Variants in CDH12 observed in about 807,000 individuals in gnomAD.
CDH12 encodes the protein cadherin-12.
A neutral mutation model predicts 74.1 loss-of-function variants in CDH12; 41 were observed. The ratio of observed to expected loss-of-function variants is 0.55; its 90% CI spans 0.43 to 0.72. The LOEUF is 0.72. Ranked by LOEUF, CDH12 falls within the 30% of genes least tolerant of loss-of-function variation. CDH12 has a pLI of 0.00. For missense variants in CDH12, 945 were observed against 977.2 expected (o/e 0.97, Z 0.44); for synonymous variants, 399 against 355.0 (o/e 1.12, Z -1.39).
intron 1 of CDH12, among the ~76,000 whole-genome samples, chr5:22,570,597 A>G (rs1456836987): frequency 6.6e-6 from 1 of 152,210 alleles, no homozygotes; most frequent in Non-Finnish European, 1.5e-5. Context: ...CTGTAAACAG[A>G]TGTGGCTGTC....
At chr5:22,558,019 TA>T (rs1207113688) in intron 1 of CDH12, among the ~76,000 whole-genome samples, 1 of 152,026 alleles carries the variant, frequency 6.6e-6, no homozygotes, top group Non-Finnish European at 1.5e-5. Flanking sequence ...AAAATTACAA[TA>T]AGGGAAAACT....
chr5:22,117,484 A>ATATAATATG (rs1234602644), intron 4 of CDH12, among the ~76,000 whole-genome samples: 2 of 47,956 alleles, frequency 4.2e-5, no homozygotes, highest in African/African-American at 1.7e-4. Flanking sequence ...TATATTATAT[A>ATATAATATG]TATATTATAT....
At chr5:22,425,156 T>TATATATATATATACAA (rs1554039872) in intron 2 of CDH12, among the ~76,000 whole-genome samples, 1 of 126,248 alleles carries the variant, frequency 7.9e-6, no homozygotes, top group African/African-American at 3.0e-5. Context: ...TGTGTGTGTA[T>TATATATATATATACAA]ATATATATAT....
At chr5:22,558,142 C>T (rs1738882611) in intron 1 of CDH12, among the ~76,000 whole-genome samples, 2 of 151,978 alleles carry the variant, frequency 1.3e-5, no homozygotes, top group South Asian at 4.1e-4. Flanking sequence ...GAGCCAGGAC[C>T]TAGTGCATAT....
intron 1 of CDH12, among the ~76,000 whole-genome samples, chr5:22,623,990 G>C (rs1479023027): frequency 2.0e-5 from 3 of 152,128 alleles, no homozygotes; most frequent in Non-Finnish European, 4.4e-5. Context: ...GAACAGAACA[G>C]AGCCCTCAGA....
In CDH12 at chr5:21,751,695, A is replaced by G; in HGVS notation, c.*42T>C. 1 of 1,527,594 alleles carries G rather than the reference A, an allele frequency of 6.5e-7. No homozygotes were observed. The allele number at this position is 1,527,594 out of a possible 1,614,324, so 94.6% of individuals were successfully genotyped here. A position where few individuals can be genotyped will look rare whatever the true frequency, so the allele number is the denominator to read the frequency against. ...TATTTGTGTTTCTTTTTCTTTTTTA[A>G]AAATCTCCCCTCTCGGTTGTATTTT... On this transcript the variant is annotated 3_prime_UTR_variant, in exon 15 of 15. Transcript: ENST00000382254.
intron 4 of CDH12, among the ~76,000 whole-genome samples, chr5:22,173,326 TATA>T (rs1749145637): frequency 6.8e-6 from 1 of 146,798 alleles, no homozygotes; most frequent in Non-Finnish European, 1.5e-5. Flanking sequence ...ATAAATCTAA[TATA>T]ATTTATATAA....
At chr5:21,978,657 C>CT (rs1215019486) in intron 5 of CDH12, among the ~76,000 whole-genome samples, 2 of 151,976 alleles carry the variant, frequency 1.3e-5, no homozygotes, top group South Asian at 2.1e-4. Flanking sequence ...TTCAAAATTA[C>CT]TTTTTTAAAT....
At chr5:22,705,817 T>C (rs921598844) in intron 1 of CDH12, among the ~76,000 whole-genome samples, 4 of 152,084 alleles carry the variant, frequency 2.6e-5, no homozygotes, top group African/African-American at 4.8e-5. Flanking sequence ...TATGTGTTTG[T>C]TAATAAGACT....
chr5:22,671,727 A>T (rs1182885476), intron 1 of CDH12, among the ~76,000 whole-genome samples: 1 of 152,064 alleles, frequency 6.6e-6, no homozygotes, highest in African/African-American at 2.4e-5. Flanking sequence ...ATGCAGCCAC[A>T]TCAACATAAA....
At chr5:22,089,722 A>C (rs1044392301) in intron 4 of CDH12, among the ~76,000 whole-genome samples, 1 of 152,168 alleles carries the variant, frequency 6.6e-6, no homozygotes, top group Non-Finnish European at 1.5e-5. Flanking sequence ...GCAGAAAAAA[A>C]ATTTCGGTAC....
At position 22,407,613 on chromosome 5, in the gene CDH12, G is replaced by A. The variant is rs1477422556; in HGVS notation, c.-427-2262C>T. ...TCCCCATGGCTCTCTGCATGAGCCC[G>A]ATGTACTTCAAGCTTACCTGTCATC... On this transcript the variant is annotated intron_variant, in intron 2 of 14. Transcript: ENST00000382254. Among the ~76,000 whole-genome samples, 4 of 152,006 alleles carry A rather than the reference G, an allele frequency of 2.6e-5. No homozygotes were observed. The South Asian group carries it at 6.2e-4, about 24-fold the overall frequency.
intron 2 of CDH12, among the ~76,000 whole-genome samples, chr5:22,407,139 CA>C (rs779756533): frequency 4.6e-5 from 7 of 151,910 alleles, no homozygotes; most frequent in Non-Finnish European, 8.8e-5. Flanking sequence ...ACATTATATC[CA>C]GCAGCCTATT....
chr5:22,375,633 A>T lies in CDH12; in HGVS notation c.-333+29624T>A, dbSNP rs545976993. ...ACAAATAATTCAAAAGTGGGCAAAG[A>T]GCATAAATAGACATTTCTTAAAAGA... On this transcript the variant is annotated intron_variant, in intron 3 of 14. Coordinates refer to ENST00000382254, the MANE Select transcript of CDH12 (RefSeq NM_004061.5). Among the ~76,000 whole-genome samples, 3 of 152,260 alleles carry T rather than the reference A, an allele frequency of 2.0e-5. No individual in the cohort carries two copies. The South Asian group carries it at 6.2e-4, about 32-fold the overall frequency.
intron 1 of CDH12, among the ~76,000 whole-genome samples, chr5:22,768,496 T>C (rs888771486): frequency 6.6e-6 from 1 of 152,078 alleles, no homozygotes; most frequent in Non-Finnish European, 1.5e-5. Context: ...ATTTTTTTCA[T>C]ACATTAGTGA....
intron 1 of CDH12, among the ~76,000 whole-genome samples, chr5:22,677,064 G>A (rs555822572): frequency 1.2e-4 from 18 of 152,228 alleles, no homozygotes; most frequent in African/African-American, 3.9e-4. Flanking sequence ...CAAAAAAAGT[G>A]CATAAATGGC....
At chr5:21,790,481 G>C (rs1746429378) in intron 10 of CDH12, among the ~76,000 whole-genome samples, 1 of 151,952 alleles carries the variant, frequency 6.6e-6, no homozygotes, top group African/African-American at 2.4e-5. Flanking sequence ...ATGAAATGTA[G>C]CATGAAGCAC....
At chr5:22,243,876 C>T (rs892818913) in intron 3 of CDH12, among the ~76,000 whole-genome samples, 2 of 152,034 alleles carry the variant, frequency 1.3e-5, no homozygotes, top group African/African-American at 2.4e-5. Flanking sequence ...CATACAAGAA[C>T]GAACACATAT....
At chr5:22,819,838 T>C (rs960585968) in intron 1 of CDH12, among the ~76,000 whole-genome samples, 1 of 150,222 alleles carries the variant, frequency 6.7e-6, no homozygotes, top group African/African-American at 2.4e-5. Flanking sequence ...AATATATATT[T>C]ATATCCAGAT....
Sources: gnomAD v4.1 joint callset for allele counts (sites outside exome capture counted in the v4.1 genomes callset) on GRCh38, gnomAD v4.1.1 for gene constraint, MANE v1.5 for transcripts, NCBI Gene and HGNC (gene_info 2026-07-23, HGNC 2026-07-21) for gene names.